The following UNC13C variants were observed in gnomAD, a reference collection of about 807,000 sequenced individuals.
UNC13C encodes unc-13 homolog C.
A neutral mutation model predicts 245.4 loss-of-function variants in UNC13C; 174 were observed. The observed-to-expected ratio is 0.71, with a 90% confidence interval of 0.63 to 0.80. UNC13C has a LOEUF of 0.80. UNC13C is among the 30% of genes least tolerant of loss of function. UNC13C has a pLI of 0.00. For synonymous variants in UNC13C, 992 were observed against 895.1 expected, an observed-to-expected ratio of 1.11 and a Z score of -1.93; for missense variants, 2,829 against 2,602.9, an observed-to-expected ratio of 1.09 and a Z score of -1.89.
chr15:54,334,397 G>T (rs1858354), intron 16 of UNC13C, among the ~76,000 whole-genome samples: 94,416 of 151,910 alleles, frequency 0.62, 29,828 homozygotes, highest in African/African-American at 0.67. Flanking sequence ...GCGAGTTTTC[G>T]GCAGTCATAG....
Position 54,542,045 on chromosome 15 carries a change from T to C in UNC13C, c.5697-4677T>C, listed in dbSNP as rs549254665. On this transcript the variant is annotated intron_variant, in intron 26 of 32. Coordinates refer to ENST00000260323, the MANE Select transcript of UNC13C (RefSeq NM_001080534.3). ...TGGTCTGCCTTCTGCTGCTGTAACA[T>C]GGGTGAAAAATATGGGTTCCGTTGT... is the stretch of plus-strand genomic sequence containing the variant. Among the ~76,000 whole-genome samples, 11 of 152,060 alleles carry C rather than the reference T, an allele frequency of 7.2e-5. No individual in the cohort carries two copies. The East Asian group carries it at 2.1e-3, about 30-fold the overall frequency.
At position 54,265,429 on chromosome 15, in the gene UNC13C, A is replaced by G; in HGVS notation, c.3751A>G (p.Lys1251Glu). Residue 1251 changes from lysine (K) to glutamate (E), a missense_variant, in exon 10 of 33, where the codon AAG becomes GAG. Lys to Glu is a moderately conservative substitution (Grantham distance 56). Coordinates refer to ENST00000260323, the MANE Select transcript of UNC13C (RefSeq NM_001080534.3). The part of the protein sequence containing the change: ...SDPYVTVQVG[K>E]NKRRTKTIFG... Reference sequence around the variant, plus strand: ...TCCATATGTTACAGTTCAAGTTGGAAAGAACAAAAGAAGAACAAAAACCAT... The same window carrying G: ...TCCATATGTTACAGTTCAAGTTGGAGAGAACAAAAGAAGAACAAAAACCAT... 6.3e-7 allele frequency: 1 copy of G among 1,578,682 alleles called. No individual in the cohort carries two copies. The highest frequency in any genetic ancestry group is 8.6e-7 in the Non-Finnish European group (1 of 1,159,730).
At chr15:54,556,047 T>A (rs904212148) in intron 29 of UNC13C, among the ~76,000 whole-genome samples, 4 of 152,074 alleles carry the variant, frequency 2.6e-5, no homozygotes, top group African/African-American at 7.2e-5. Context: ...AGCCAAAGAT[T>A]AAAAGTTATT....
At chr15:54,424,312 G>T (rs1400769942) in intron 19 of UNC13C, among the ~76,000 whole-genome samples, 1 of 151,890 alleles carries the variant, frequency 6.6e-6, no homozygotes, top group African/African-American at 2.4e-5. Context: ...GGCAACAAAA[G>T]AAACTTGGGA....
intron 10 of UNC13C, among the ~76,000 whole-genome samples, chr15:54,281,407 G>A (rs538525822): frequency 6.6e-6 from 1 of 152,268 alleles, no homozygotes; most frequent in Non-Finnish European, 1.5e-5. Context: ...ATACTGAAAG[G>A]ACTGAGAGAG....
chr15:54,151,012 T>G (rs937265487), intron 4 of UNC13C, among the ~76,000 whole-genome samples: 16 of 152,188 alleles, frequency 1.1e-4, no homozygotes, highest in African/African-American at 1.7e-4. Context: ...GTTCACCAAG[T>G]TGTAGATTGG....
At chr15:54,552,868 A>T (rs371952007) in intron 28 of UNC13C, among the ~76,000 whole-genome samples, 2 of 216 alleles carry the variant, frequency 9.3e-3, no homozygotes, top group Admixed American at 0.045. Context: ...ATTAATATAT[A>T]ATATATATTG....
At chr15:54,598,512 A>C (rs1899225093) in intron 30 of UNC13C, among the ~76,000 whole-genome samples, 1 of 152,234 alleles carries the variant, frequency 6.6e-6, no homozygotes, top group African/African-American at 2.4e-5. Flanking sequence ...ACATCCAGGC[A>C]CAGCACATAG....
In UNC13C at chr15:54,015,882, T is replaced by G. The variant is rs777064306; in HGVS notation, c.2979T>G (p.Ala993=). ...CAGAGTTGGAAGAGAAGATCTTGGC[T>G]GGAGGTATTCATGTTTAAATGCTAC... ...QMAELEEKIL[A]GDSSSVDEKA... The change falls in exon 2 of 33, where the codon GCT becomes GCG. Residue 993 remains alanine (A), a synonymous_variant. Coordinates refer to ENST00000260323, the MANE Select transcript of UNC13C (RefSeq NM_001080534.3). 6.3e-7 allele frequency: 1 copy of G among 1,576,956 alleles called. No homozygotes were observed. Among genetic ancestry groups the G allele is most frequent in the Admixed American group, 1.9e-5 (1 of 52,262 alleles).
intron 4 of UNC13C, among the ~76,000 whole-genome samples, chr15:54,199,959 G>C (rs1458684687): frequency 6.6e-6 from 1 of 151,956 alleles, no homozygotes; most frequent in Admixed American, 6.6e-5. Flanking sequence ...AACAAATAAG[G>C]ACTCATATAA....
At chr15:53,927,584 G>A in the UNC13C span, among the ~76,000 whole-genome samples, 1 of 152,196 alleles carries the variant, frequency 6.6e-6, no homozygotes, top group African/African-American at 2.4e-5. Flanking sequence ...GAAATGTCAT[G>A]TGGACTTGAA....
chr15:54,339,435 G>A (rs569112547), intron 17 of UNC13C, among the ~76,000 whole-genome samples: 24 of 152,058 alleles, frequency 1.6e-4, no homozygotes, highest in African/African-American at 4.8e-4. Context: ...CCTTTCCCCA[G>A]AGTCCTCAAA....
intron 10 of UNC13C, among the ~76,000 whole-genome samples, chr15:54,266,129 C>CT (rs907565850): frequency 6.6e-6 from 1 of 151,870 alleles, no homozygotes; most frequent in African/African-American, 2.4e-5. Flanking sequence ...TAAAGACAGT[C>CT]TTTTTTCTTT....
Position 54,461,761 on chromosome 15 carries a change from G to A in UNC13C, c.4934-32847G>A, listed in dbSNP as rs1421483733. ...GTCAGCCACAGTAGCAGAAGGAGAG[G>A]CAAAGTATGTGTCTACAGAAGAGAG... On this transcript the variant is annotated intron_variant, in intron 19 of 32. Transcript: ENST00000260323. 5.3e-5 allele frequency among the ~76,000 whole-genome samples: 8 copies of A among 152,234 alleles called. No homozygotes were observed. In the East Asian group the frequency reaches 1.4e-3, roughly 26 times the overall value.
chr15:54,435,808 A>G (rs2040972600), intron 19 of UNC13C, among the ~76,000 whole-genome samples: 1 of 151,832 alleles, frequency 6.6e-6, no homozygotes, highest in Non-Finnish European at 1.5e-5. Context: ...AGAATGGGAG[A>G]AAACTTTTGC....
At chr15:53,938,805 A>G in the UNC13C span, among the ~76,000 whole-genome samples, 1 of 152,202 alleles carries the variant, frequency 6.6e-6, no homozygotes, top group African/African-American at 2.4e-5. Flanking sequence ...TGTTTGTACT[A>G]ATGAGAGCAA....
the UNC13C span, among the ~76,000 whole-genome samples, chr15:53,894,550 T>C: frequency 2.0e-5 from 3 of 152,186 alleles, no homozygotes; most frequent in East Asian, 5.8e-4. Flanking sequence ...CACAGTCACT[T>C]TCCCCTCTTA....
intron 15 of UNC13C, 140 bp from the exon 16 acceptor site, chr15:54,333,627 T>C: frequency 5.1e-6 from 3 of 584,962 alleles, no homozygotes; most frequent in Non-Finnish European, 9.1e-6. Context: ...GACAAAAATA[T>C]TTTAAGAATA....
At chr15:53,903,314 C>T in the UNC13C span, among the ~76,000 whole-genome samples, 3,224 of 152,294 alleles carry the variant, frequency 0.021, 33 homozygotes, top group Middle Eastern at 0.045. Context: ...ATCGACATAA[C>T]ATGATTCCTT....
Sources: gnomAD v4.1 joint callset for allele counts (sites outside exome capture counted in the v4.1 genomes callset) on GRCh38, gnomAD v4.1.1 for gene constraint, MANE v1.5 for transcripts, NCBI Gene and HGNC (gene_info 2026-07-23, HGNC 2026-07-21) for gene names.